The following RASSF8 variants were observed in gnomAD, a reference collection of about 807,000 sequenced individuals.
The protein encoded by RASSF8 is Ras association domain family member 8, also known as ras association domain-containing protein 8.
A neutral mutation model predicts 48.5 loss-of-function variants in RASSF8; 22 were observed. The observed-to-expected ratio is 0.45, with a 90% CI of 0.32 to 0.65. RASSF8 has a LOEUF of 0.65. Among genes scored for constraint, RASSF8 ranks in the 30% least tolerant of loss-of-function variants. The pLI is 0.03. For missense variants in RASSF8, 418 were observed against 489.2 expected, an observed-to-expected ratio of 0.85 and a Z score of 1.37; for synonymous variants, 127 against 171.5, an observed-to-expected ratio of 0.74 and a Z score of 2.03.
chr12:25,960,260 G>A (rs550383945), intron 1 of RASSF8, among the ~76,000 whole-genome samples: 6 of 152,140 alleles, frequency 3.9e-5, no homozygotes, highest in Non-Finnish European at 7.4e-5. Flanking sequence ...CTTTCATCTT[G>A]GAGTTGCCAG....
chr12:26,003,325 T>C (rs1262619135), intron 2 of RASSF8, among the ~76,000 whole-genome samples: 1 of 152,234 alleles, frequency 6.6e-6, no homozygotes, highest in Non-Finnish European at 1.5e-5. Context: ...TAATGGATTA[T>C]CTTTTTGATG....
At chr12:26,073,864 A>G (rs1378687810), downstream of RASSF8, among the ~76,000 whole-genome samples, 1 of 151,126 alleles carries the variant, frequency 6.6e-6, no homozygotes, top group African/African-American at 2.4e-5. Context: ...ATATATATTT[A>G]GCCAAAGTAG....
In RASSF8 at chr12:26,072,839, AAAT is replaced by A; in HGVS notation, c.*4027_*4029del. The A allele has an allele frequency of 2.2e-6, 2 of 907,822 alleles. No homozygotes were observed. Among genetic ancestry groups the A allele is most frequent in the Non-Finnish European group, 2.6e-6 (2 of 759,460 alleles). The allele number at this position is 907,822 out of a possible 1,614,324, so 56.2% of individuals were successfully genotyped here. A position where few individuals can be genotyped will look rare whatever the true frequency, so the allele number is the denominator to read the frequency against. On this transcript the variant is annotated 3_prime_UTR_variant, in exon 6 of 6. Transcript: ENST00000689635. ...AAGAATCAATATTGGATATTCTCCC[AAAT>A]AATAAATTTTCAGGATTCATTGGGG...
intron 1 of RASSF8, among the ~76,000 whole-genome samples, chr12:25,962,108 A>G (rs141054302): frequency 1.4e-4 from 22 of 152,340 alleles, no homozygotes; most frequent in African/African-American, 4.8e-4. Flanking sequence ...CTCTCAGGAA[A>G]CACATTTATT....
chr12:26,049,352 T>A (rs544646530), intron 2 of RASSF8, among the ~76,000 whole-genome samples: 2 of 152,372 alleles, frequency 1.3e-5, no homozygotes, highest in African/African-American at 4.8e-5. Flanking sequence ...TCTCTTAGTT[T>A]TCTAAAACAG....
chr12:26,037,893 A>G lies in RASSF8; in HGVS notation c.-108-17343A>G, dbSNP rs969674522. Reference sequence around the variant, plus strand: ...AAGGAAAATTGTGCCCTAGCCAGCTAGCCTGAGTGTGAAACAATTTAAAGG... The same window carrying G: ...AAGGAAAATTGTGCCCTAGCCAGCTGGCCTGAGTGTGAAACAATTTAAAGG... On this transcript the variant is annotated intron_variant, in intron 2 of 5. Coordinates refer to ENST00000689635, the MANE Select transcript of RASSF8 (RefSeq NM_001394098.1). Among the ~76,000 whole-genome samples the G allele has an allele frequency of 2.0e-5, 3 of 152,374 alleles. No homozygotes were observed. In the South Asian group the frequency reaches 6.2e-4, roughly 32 times the overall value.
chr12:26,014,245 C>T (rs1462920996), intron 2 of RASSF8, among the ~76,000 whole-genome samples: 1 of 152,176 alleles, frequency 6.6e-6, no homozygotes, highest in East Asian at 1.9e-4. Context: ...GTTTCCTATG[C>T]CCATGGCAGA....
intron 2 of RASSF8, among the ~76,000 whole-genome samples, chr12:26,013,595 T>A (rs1265283852): frequency 6.6e-6 from 1 of 151,744 alleles, no homozygotes; most frequent in Non-Finnish European, 1.5e-5. Context: ...ATAATTCCAA[T>A]AATATTGTAC....
chr12:25,973,307 G>A (rs2136871339), intron 1 of RASSF8, among the ~76,000 whole-genome samples: 1 of 152,170 alleles, frequency 6.6e-6, no homozygotes, highest in South Asian at 2.1e-4. Context: ...AAGGGGAATT[G>A]AGAAGATAAA....
chr12:26,067,865 AG>A, intron 5 of RASSF8, 152 bp downstream of exon 5: 1 of 980,706 alleles, frequency 1.0e-6, no homozygotes, highest in Non-Finnish European at 1.5e-6. Context: ...TCCTGGGCTC[AG>A]GTGACCCTCC....
chr12:26,024,951 T>C (rs1942873041), intron 2 of RASSF8, among the ~76,000 whole-genome samples: 1 of 151,786 alleles, frequency 6.6e-6, no homozygotes, highest in Non-Finnish European at 1.5e-5. Context: ...AGAGCGAGAC[T>C]CCGTCTCAAA....
intron 2 of RASSF8, among the ~76,000 whole-genome samples, chr12:26,041,683 A>G (rs1235995837): frequency 6.6e-6 from 1 of 152,150 alleles, no homozygotes; most frequent in Non-Finnish European, 1.5e-5. Context: ...ACATATATAT[A>G]TACACACATA....
rs1461288824 is a variant in RASSF8, at chr12:26,072,006, C to T, written c.*3188C>T. The T allele has an allele frequency of 2.0e-6, 2 of 985,344 alleles. No homozygotes were observed. The highest frequency in any genetic ancestry group is 2.4e-6 in the Non-Finnish European group (2 of 829,890). 61.0% of individuals were successfully genotyped at this position (985,344 alleles called of 1,614,324 possible). On this transcript the variant is annotated 3_prime_UTR_variant, in exon 6 of 6. Coordinates refer to ENST00000689635, the MANE Select transcript of RASSF8 (RefSeq NM_001394098.1). ...TGAAGCCATTTCTGTAAACATCTTC[C>T]AAGATAGAACTGTAATGGATTGAGG... is the stretch of plus-strand genomic sequence containing the variant.
At chr12:25,997,062 C>T (rs1942150908) in intron 2 of RASSF8, among the ~76,000 whole-genome samples, 1 of 152,014 alleles carries the variant, frequency 6.6e-6, no homozygotes, top group Non-Finnish European at 1.5e-5. Context: ...TCTCTTGAGC[C>T]ATTTTTCTTT....
Position 26,055,522 on chromosome 12 carries a change from A to T in RASSF8, c.103+76A>T. On this transcript the variant is annotated intron_variant, in intron 3 of 5. Transcript: ENST00000689635. ...TTGTATGTGTTTGTTTTAAATATAGATTTCTAGGGGATTTTGTTCATTTGG... is the reference window on the plus strand; with the variant it reads ...TTGTATGTGTTTGTTTTAAATATAGTTTTCTAGGGGATTTTGTTCATTTGG... The T allele has an allele frequency of 2.4e-6, 3 of 1,236,156 alleles. 1 individual carries two copies. In the South Asian group the frequency reaches 3.7e-5, roughly 15 times the overall value. 76.6% of individuals were successfully genotyped at this position (1,236,156 alleles called of 1,614,324 possible).
intron 2 of RASSF8, among the ~76,000 whole-genome samples, chr12:26,013,784 TAAAA>T (rs556080253): frequency 1.3e-5 from 2 of 152,186 alleles, no homozygotes; most frequent in South Asian, 2.1e-4. Flanking sequence ...TTCATGTTGA[TAAAA>T]AAATCCTTTT....
rs147237690 is a variant in RASSF8 at position 26,059,984 on chromosome 12, G to T, written c.104-4514G>T. Among the ~76,000 whole-genome samples, 900 of 152,200 alleles carry T rather than the reference G, an allele frequency of 5.9e-3. 5 individuals carry two copies. The highest frequency in any genetic ancestry group is 0.02 in the African/African-American group (847 of 41,514). On this transcript the variant is annotated intron_variant, in intron 3 of 5. Coordinates refer to ENST00000689635, the MANE Select transcript of RASSF8 (RefSeq NM_001394098.1). ...GTGATCTCCGCTCACTGCAAGCTCC[G>T]CCTCCCAGGTTCACACCATTCTCCT...
chr12:26,065,918 A>G (rs761959697), intron 4 of RASSF8, among the ~76,000 whole-genome samples: 6 of 152,046 alleles, frequency 3.9e-5, no homozygotes, highest in East Asian at 1.9e-4. Flanking sequence ...GAGAAGTTCT[A>G]TTTTGCCACT....
At chr12:25,992,816 T>C (rs1448216864) in intron 1 of RASSF8, among the ~76,000 whole-genome samples, 1 of 152,214 alleles carries the variant, frequency 6.6e-6, no homozygotes, top group Admixed American at 6.5e-5. Context: ...ATTGCCTTCC[T>C]AGGTACTCGC....
Sources: allele counts gnomAD v4.1 joint callset (sites outside exome capture counted in the v4.1 genomes callset), GRCh38; gene constraint gnomAD v4.1.1; transcripts MANE v1.5; gene names NCBI Gene and HGNC (gene_info 2026-07-23, HGNC 2026-07-21).